Variants in HELQ observed in about 807,000 individuals in gnomAD.
HELQ encodes the protein helicase POLQ-like.
Under a neutral mutation model 111.6 loss-of-function variants are expected in HELQ, and 77 were observed. The observed-to-expected ratio is 0.69, with a 90% CI of 0.57 to 0.83. HELQ has a LOEUF of 0.83. Among genes scored for constraint, HELQ ranks in the 40% least tolerant of loss-of-function variants. The pLI is 0.00. For synonymous variants in HELQ, 438 were observed against 454.7 expected (o/e 0.96, Z 0.47); for missense variants, 1,200 against 1,288.5 (o/e 0.93, Z 1.05).
intron 6 of HELQ, 108 bp from the exon 7 acceptor site, chr4:83,441,511 C>A: frequency 1.8e-6 from 1 of 565,200 alleles, no homozygotes; most frequent in South Asian, 2.6e-5. Flanking sequence ...AAGAGTTTAG[C>A]TTTTCTAAGA....
intron 14 of HELQ, among the ~76,000 whole-genome samples, chr4:83,422,485 G>A (rs998754125): frequency 2.0e-5 from 3 of 152,168 alleles, no homozygotes; most frequent in Non-Finnish European, 2.9e-5. Context: ...GTCCTTATAA[G>A]AGGAGAAGAC....
In HELQ at chr4:83,455,527, G is replaced by T. The variant is rs752820973; in HGVS notation, c.167C>A (p.Ala56Glu). ...CTGTACCTCAACCGGCAGTACGCCC[G>T]CGGTTTTCCGCCTCCTGTTCTCAGC... ...MVAENRRRKTAGVLPVEVQPL... is the reference protein window; with the variant it reads ...MVAENRRRKTEGVLPVEVQPL... The change falls in exon 1 of 18, where the codon GCG (alanine) becomes GAG (glutamate). Residue 56 changes from alanine (A) to glutamate (E), a missense_variant. Ala to Glu is a moderately radical substitution (Grantham distance 107). Coordinates refer to ENST00000295488, the MANE Select transcript of HELQ (RefSeq NM_133636.5). 2 of 1,614,162 alleles carry T rather than the reference G, an allele frequency of 1.2e-6. No individual in the cohort carries two copies. The highest frequency in any genetic ancestry group is 1.7e-6 in the Non-Finnish European group (2 of 1,180,028).
intron 17 of HELQ, 21 bp from the exon 18 acceptor site, chr4:83,407,581 G>C: frequency 6.5e-7 from 1 of 1,528,666 alleles, no homozygotes; most frequent in Non-Finnish European, 9.0e-7. Context: ...AAATTAAGAC[G>C]TGAGGCCAAA....
intron 15 of HELQ, among the ~76,000 whole-genome samples, chr4:83,420,544 C>G (rs372191237): frequency 6.6e-6 from 1 of 151,138 alleles, no homozygotes; most frequent in Non-Finnish European, 1.5e-5. Context: ...CAACACTTTG[C>G]GAAGCCCAGG....
In HELQ at chr4:83,431,661, T is replaced by C. The variant is rs752449161; in HGVS notation, c.2295+3A>G. 2 of 1,497,098 alleles carry C rather than the reference T, an allele frequency of 1.3e-6. No homozygotes were observed. The highest frequency in any genetic ancestry group is 2.5e-5 in the East Asian group (1 of 39,754). 92.7% of individuals were successfully genotyped at this position (1,497,098 alleles called of 1,614,324 possible). ...AATAAGATAAAAAATTTAAGAAAAA[T>C]ACCTTCAAACCAATCAAAGAGAGAA... On this transcript the variant is annotated splice_donor_region_variant and intron_variant, in intron 11 of 17. Coordinates refer to ENST00000295488, the MANE Select transcript of HELQ (RefSeq NM_133636.5).
intron 17 of HELQ, among the ~76,000 whole-genome samples, chr4:83,414,872 A>C (rs557866321): frequency 6.6e-6 from 1 of 152,282 alleles, no homozygotes; most frequent in East Asian, 1.9e-4. Flanking sequence ...ATAGCAAAGG[A>C]AATGACTATA....
chr4:83,428,031 A>G (rs1278022805), intron 12 of HELQ, among the ~76,000 whole-genome samples: 1 of 152,232 alleles, frequency 6.6e-6, no homozygotes, highest in Non-Finnish European at 1.5e-5. Flanking sequence ...GCAAGTGTCC[A>G]TCAACATCGA....
rs140847063 is a variant in HELQ at position 83,454,167 on chromosome 4, C to T, written c.298-222G>A. 1.1e-3 allele frequency among the ~76,000 whole-genome samples: 169 copies of T among 152,274 alleles called. 1 individual carries two copies. Among genetic ancestry groups the T allele is most frequent in the Admixed American group, 2.0e-3 (31 of 15,304 alleles). ...GCGGTAAGCCCAGATCGCGCCATTG[C>T]ACTCCAACCTGGGCAACAGAGTGGG... On this transcript the variant is annotated intron_variant, in intron 1 of 17. Transcript: ENST00000295488.
chr4:83,412,313 C>T (rs542320732), intron 17 of HELQ, among the ~76,000 whole-genome samples: 108 of 152,324 alleles, frequency 7.1e-4, no homozygotes, highest in Middle Eastern at 3.4e-3. Flanking sequence ...CACTCACACT[C>T]GGACTTGATT....
intron 9 of HELQ, among the ~76,000 whole-genome samples, chr4:83,432,824 T>G (rs1578084843): frequency 6.6e-6 from 1 of 151,414 alleles, no homozygotes; most frequent in Non-Finnish European, 1.5e-5. Context: ...ATGTGGGAGG[T>G]TTGCTTGAGT....
At chr4:83,442,272 T>TTC (rs1720803283) in intron 6 of HELQ, among the ~76,000 whole-genome samples, 1 of 143,608 alleles carries the variant, frequency 7.0e-6, no homozygotes, top group Non-Finnish European at 1.5e-5. Flanking sequence ...TTTTTTTTTT[T>TTC]TTTTTTTTTT....
rs749645227 is a variant in HELQ, at chr4:83,437,117, G to C, written c.1809-20C>G. 6.2e-7 allele frequency: 1 copy of C among 1,608,922 alleles called. No homozygotes were observed. Among genetic ancestry groups the C allele is most frequent in the South Asian group, 1.1e-5 (1 of 90,420 alleles). On this transcript the variant is annotated intron_variant, in intron 8 of 17. Coordinates refer to ENST00000295488, the MANE Select transcript of HELQ (RefSeq NM_133636.5). ...TATTCCCTATGAAAAAGATCTGTTA[G>C]AAATATGAGCCCTTGATCTTTTAGT...
Position 83,418,187 on chromosome 4 carries a change from ACC to A in HELQ, c.2967_2968del (p.Trp989CysfsTer51), listed in dbSNP as rs1365391159. 2.5e-6 allele frequency: 4 copies of A among 1,599,672 alleles called. No individual in the cohort carries two copies. The highest frequency in any genetic ancestry group is 3.4e-6 in the Non-Finnish European group (4 of 1,171,062). On this transcript the variant is annotated frameshift_variant, in exon 16 of 18. Coordinates refer to ENST00000295488, the MANE Select transcript of HELQ (RefSeq NM_133636.5). LOFTEE classifies it high-confidence loss of function. ...AAGTTCTACCAAAAGGGCTCTGTAA[ACC>A]CAAAACTCCTCAAGCTCCTGTAGAA...
chr4:83,423,218 A>G (rs1276831036), intron 14 of HELQ, among the ~76,000 whole-genome samples: 2 of 152,104 alleles, frequency 1.3e-5, no homozygotes, highest in Non-Finnish European at 2.9e-5. Context: ...GGATCTCTTA[A>G]GTTCAGGAGT....
chr4:83,431,707 G>T lies in HELQ; in HGVS notation c.2252C>A (p.Thr751Asn). Residue 751 changes from threonine (T) to asparagine (N), a missense_variant, in exon 11 of 18, where the codon ACC becomes AAC. By Grantham distance (65) the Thr-to-Asn change is moderately conservative. This residue lies in a region of HELQ where 585 missense variants were observed against 665.3 expected (regional missense o/e 0.88). Transcript: ENST00000295488. ...GAGAAATAATGTTTGGATTCCCTTG[G>T]TGAATTCCTGAACAAGATGGCTGTA... The part of the protein sequence containing the change: ...NCYSHLVQEF[T>N]KGIQTLFLSL... The T allele has an allele frequency of 6.4e-7, 1 of 1,563,052 alleles. No homozygotes were observed. The highest frequency in any genetic ancestry group is 2.4e-5 in the East Asian group (1 of 41,130).
intron 3 of HELQ, among the ~76,000 whole-genome samples, chr4:83,448,141 C>T (rs995426835): frequency 6.7e-6 from 1 of 148,804 alleles, no homozygotes; most frequent in African/African-American, 2.5e-5. Context: ...ACCCAAGAGG[C>T]GGAGGTTGCA....
Position 83,453,325 on chromosome 4 carries a change from A to G in HELQ, c.918T>C (p.Val306=). The G allele has an allele frequency of 1.2e-6, 2 of 1,613,850 alleles. No individual in the cohort carries two copies. Among genetic ancestry groups the G allele is most frequent in the South Asian group, 2.2e-5 (2 of 90,994 alleles). ...GACCAAGGTCATTTGATGATGACTC[A>G]ACTGTTTTCTTAGCAACATTAATTT... is the stretch of plus-strand genomic sequence containing the variant. ...SEEINVAKKT[V]ESSSNDLGPF... is the part of the protein sequence containing the mutation. Residue 306 remains valine, a synonymous_variant, in exon 2 of 18, where the codon GTT becomes GTC. Coordinates refer to ENST00000295488, the MANE Select transcript of HELQ (RefSeq NM_133636.5).
At chr4:83,430,885 G>A (rs898607833) in intron 11 of HELQ, among the ~76,000 whole-genome samples, 8 of 151,510 alleles carry the variant, frequency 5.3e-5, no homozygotes, top group Non-Finnish European at 5.9e-5. Flanking sequence ...GGGGGTGGAA[G>A]AGTGCAGGGG....
Position 83,430,609 on chromosome 4 carries a change from TC to T in HELQ, c.2296-864del, listed in dbSNP as rs375370404. 4.7e-3 allele frequency among the ~76,000 whole-genome samples: 719 copies of T among 152,292 alleles called. 7 individuals are homozygous for T. Among genetic ancestry groups the T allele is most frequent in the African/African-American group, 0.016 (685 of 41,580 alleles). ...TATAGTCAATCAATAAGTATATTTCTCTCTCTTACAATTCTGATGCTATTTC... is the reference window on the plus strand; with the variant it reads ...TATAGTCAATCAATAAGTATATTTCTTCTCTTACAATTCTGATGCTATTTC... On this transcript the variant is annotated intron_variant, in intron 11 of 17. Coordinates refer to ENST00000295488, the MANE Select transcript of HELQ (RefSeq NM_133636.5).
Sources: allele counts gnomAD v4.1 joint callset (sites outside exome capture counted in the v4.1 genomes callset), GRCh38; gene constraint gnomAD v4.1.1; regional missense constraint gnomAD v4.1.1; transcripts MANE v1.5; gene names NCBI Gene and HGNC (gene_info 2026-07-23, HGNC 2026-07-21).